BCAS2: variants seen among roughly 807,000 people sequenced by gnomAD.
The protein encoded by BCAS2 is BCAS2 pre-mRNA processing factor, also known as pre-mRNA-splicing factor SPF27.
In BCAS2, 34 loss-of-function variants were observed where a neutral mutation model predicts 35.3. That is an observed-to-expected ratio of 0.96 (90% CI 0.73 to 1.28). BCAS2 has a LOEUF of 1.28. Among genes scored for constraint, BCAS2 ranks in the 50% most tolerant of loss-of-function variants. BCAS2 has a pLI of 0.00. For synonymous variants in BCAS2, 75 were observed against 91.6 expected (o/e 0.82, Z 1.03); for missense variants, 221 against 268.1 (o/e 0.82, Z 1.23).
intron 2 of BCAS2, among the ~76,000 whole-genome samples, chr1:114,578,742 G>A (rs1171093444): frequency 6.6e-6 from 1 of 152,184 alleles, no homozygotes; most frequent in Non-Finnish European, 1.5e-5. Context: ...TATGGACCCT[G>A]CCGATACTGT....
rs111624193 is a variant in BCAS2 at position 114,571,595 on chromosome 1, G to A, written c.420-845C>T. On this transcript the variant is annotated intron_variant, in intron 4 of 6. Transcript: ENST00000369541. ...GCTGGTCTTGAACTCCTGGGCTCAA[G>A]CAATCTCCCCACCTCAGCCTCCAAA... Among the ~76,000 whole-genome samples, 472 of 152,238 alleles carry A rather than the reference G, an allele frequency of 3.1e-3. 1 individual carries two copies. The highest frequency in any genetic ancestry group is 6.8e-3 in the Middle Eastern group (2 of 294).
intron 3 of BCAS2, 38 bp downstream of exon 3, chr1:114,576,650 T>C: frequency 6.5e-7 from 1 of 1,528,470 alleles, no homozygotes; most frequent in Non-Finnish European, 9.0e-7. Flanking sequence ...ACTGAGTTAC[T>C]ACAAACTAAA....
chr1:114,573,329 A>C (rs935609398), intron 4 of BCAS2, among the ~76,000 whole-genome samples: 33 of 132,566 alleles, frequency 2.5e-4, no homozygotes, highest in Admixed American at 7.8e-5. Flanking sequence ...CCTTCAACTT[A>C]ATGCCCCATC....
intron 2 of BCAS2, 105 bp downstream of exon 2, chr1:114,581,194 G>A: frequency 9.0e-7 from 1 of 1,108,712 alleles, no homozygotes; most frequent in South Asian, 1.3e-5. Context: ...CAGTAGGTAA[G>A]TAGTAGCTAT....
Position 114,576,698 on chromosome 1 carries a change from T to C in BCAS2, c.247A>G (p.Ser83Gly), listed in dbSNP as rs1383917203. The C allele has an allele frequency of 5.0e-6, 8 of 1,610,120 alleles. No individual in the cohort carries two copies. The highest frequency in any genetic ancestry group is 4.0e-5 in the African/African-American group (3 of 74,958). ...LAARQPIELLSMKRYELPAPS... is the reference protein window; with the variant it reads ...LAARQPIELLGMKRYELPAPS... ...TTTTAATATTCTTACCGTTTCATAC[T>C]GAGCAATTCAATTGGTTGTCGAGCA... The change falls in exon 3 of 7, where the codon AGT becomes GGT. Residue 83 changes from serine to glycine, a missense_variant. Ser to Gly is a moderately conservative substitution (Grantham distance 56). Coordinates refer to ENST00000369541, the MANE Select transcript of BCAS2 (RefSeq NM_005872.3).
chr1:114,568,008 T>C lies in BCAS2; in HGVS notation c.*122A>G, dbSNP rs886504583. On this transcript the variant is annotated 3_prime_UTR_variant, in exon 7 of 7. Coordinates refer to ENST00000369541, the MANE Select transcript of BCAS2 (RefSeq NM_005872.3). ...TTACCACAGCAGCCTACACCTTCTATGATTTCTAAACACTTAAACATCAAT... is the reference window on the plus strand; with the variant it reads ...TTACCACAGCAGCCTACACCTTCTACGATTTCTAAACACTTAAACATCAAT... 1 of 1,322,720 alleles carries C rather than the reference T, an allele frequency of 7.6e-7. No homozygotes were observed. 81.9% of individuals were successfully genotyped at this position (1,322,720 alleles called of 1,614,324 possible). A position where few individuals can be genotyped will look rare whatever the true frequency, so the allele number is the denominator to read the frequency against.
intron 1 of BCAS2, 29 bp downstream of exon 1, chr1:114,581,470 A>G (rs1283456974): frequency 6.2e-7 from 1 of 1,613,766 alleles, no homozygotes; most frequent in African/African-American, 1.3e-5. Context: ...GCTAGCAGTG[A>G]GTCAGCTACA....
intron 2 of BCAS2, among the ~76,000 whole-genome samples, chr1:114,579,996 T>C (rs1321229494): frequency 6.6e-6 from 1 of 151,900 alleles, no homozygotes; most frequent in African/African-American, 2.4e-5. Context: ...AATGGCATTA[T>C]CATGGCTCAC....
intron 2 of BCAS2, among the ~76,000 whole-genome samples, chr1:114,580,648 A>G (rs1458186040): frequency 6.6e-6 from 1 of 152,198 alleles, no homozygotes; most frequent in Non-Finnish European, 1.5e-5. Flanking sequence ...TTTGTCTTAA[A>G]TAAAGAAAAG....
chr1:114,570,120 T>A, intron 5 of BCAS2, 48 bp from the exon 6 acceptor site: 1 of 1,311,376 alleles, frequency 7.6e-7, no homozygotes, highest in Non-Finnish European at 1.1e-6. Context: ...ATGTAAGACC[T>A]AAATCAACAG....
chr1:114,576,146 G>A (rs1323871553), intron 3 of BCAS2, among the ~76,000 whole-genome samples: 5 of 151,052 alleles, frequency 3.3e-5, no homozygotes, highest in Admixed American at 1.3e-4. Context: ...CCCATGCGCC[G>A]GTAGAGAAAA....
chr1:114,580,594 G>C (rs1309641935), intron 2 of BCAS2, among the ~76,000 whole-genome samples: 1 of 151,896 alleles, frequency 6.6e-6, no homozygotes, highest in Non-Finnish European at 1.5e-5. Flanking sequence ...TCACTGTATT[G>C]TATTTTTCTG....
At chr1:114,573,773 A>T (rs1654699716) in intron 4 of BCAS2, among the ~76,000 whole-genome samples, 1 of 152,224 alleles carries the variant, frequency 6.6e-6, no homozygotes, top group Admixed American at 6.5e-5. Flanking sequence ...ATATATAGAT[A>T]TATAAAAGAA....
chr1:114,579,771 C>T (rs1654843951), intron 2 of BCAS2, among the ~76,000 whole-genome samples: 6 of 152,118 alleles, frequency 3.9e-5, no homozygotes, highest in Admixed American at 2.6e-4. Context: ...GAGGCTGAGG[C>T]AGGAGAATCA....
intron 4 of BCAS2, among the ~76,000 whole-genome samples, chr1:114,574,613 G>A: frequency 6.6e-6 from 1 of 152,172 alleles, no homozygotes; most frequent in East Asian, 1.9e-4. Flanking sequence ...CATGACTAAT[G>A]AGAATCAACT....
At chr1:114,569,805 T>C (rs994710421) in intron 6 of BCAS2, among the ~76,000 whole-genome samples, 187 bp downstream of exon 6, 59 of 152,132 alleles carry the variant, frequency 3.9e-4, no homozygotes, top group Non-Finnish European at 5.0e-4. Context: ...TCGCCAATGG[T>C]TCAATTCTCG....
At chr1:114,577,377 A>ATT (rs113493679) in intron 2 of BCAS2, among the ~76,000 whole-genome samples, 3,675 of 149,884 alleles carry the variant, frequency 0.025, 57 homozygotes, top group Middle Eastern at 0.041. Flanking sequence ...TTATTTATTT[A>ATT]TTTTTTTTTT....
chr1:114,570,694 A>C lies in BCAS2; in HGVS notation c.470+6T>G, dbSNP rs1342122576. On this transcript the variant is annotated splice_donor_region_variant and intron_variant, in intron 5 of 6. Coordinates refer to ENST00000369541, the MANE Select transcript of BCAS2 (RefSeq NM_005872.3). Reference sequence around the variant, plus strand: ...CTTCATTCTGTAATAGGAAAAAACAATTTACCTTAACTTCTGAAGTTCCTT... The same window carrying C: ...CTTCATTCTGTAATAGGAAAAAACACTTTACCTTAACTTCTGAAGTTCCTT... The C allele has an allele frequency of 1.3e-6, 2 of 1,573,932 alleles. No homozygotes were observed. Among genetic ancestry groups the C allele is most frequent in the Non-Finnish European group, 8.7e-7 (1 of 1,152,910 alleles).
intron 3 of BCAS2, among the ~76,000 whole-genome samples, chr1:114,576,247 C>A (rs8179277): frequency 0.31 from 41,141 of 130,870 alleles, 6,864 homozygotes; most frequent in East Asian, 0.48. Flanking sequence ...CTCTCTCTCT[C>A]TATATATATA....
Sources: allele counts gnomAD v4.1 joint callset (sites outside exome capture counted in the v4.1 genomes callset), GRCh38; gene constraint gnomAD v4.1.1; transcripts MANE v1.5; gene names NCBI Gene and HGNC (gene_info 2026-07-23, HGNC 2026-07-21).